The following DENND5A variants were observed in gnomAD, a reference collection of about 807,000 sequenced individuals.
DENND5A encodes DENN domain containing 5A.
DENND5A carries 64 observed loss-of-function variants against 140.3 expected under a neutral mutation model. That is an observed-to-expected ratio of 0.46 (90% CI 0.37 to 0.56). DENND5A has a LOEUF of 0.56. Among genes scored for constraint, DENND5A ranks in the 20% least tolerant of loss-of-function variants. DENND5A has a pLI of 0.00. For missense variants in DENND5A, 1,292 were observed against 1,593.8 expected, an observed-to-expected ratio of 0.81 and a Z score of 3.22; for synonymous variants, 605 against 607.7, an observed-to-expected ratio of 1.00 and a Z score of 0.07.
Position 9,193,479 on chromosome 11 carries a change from C to A in DENND5A, c.1137+15G>T. On this transcript the variant is annotated intron_variant, in intron 5 of 22. Transcript: ENST00000328194. ...CCTGGATTGGGGCCAGAGGCACCAA[C>A]ACTCAAGATCTCACCTCTTGAGGCA... The A allele has an allele frequency of 6.4e-7, 1 of 1,570,290 alleles. No individual in the cohort carries two copies.
chr11:9,186,502 A>G (rs1848918046), intron 5 of DENND5A, among the ~76,000 whole-genome samples: 1 of 152,238 alleles, frequency 6.6e-6, no homozygotes, highest in African/African-American at 2.4e-5. Context: ...CAGTTTCTCC[A>G]ATAGGAAACA....
chr11:9,237,437 T>C (rs943520504), intron 1 of DENND5A, among the ~76,000 whole-genome samples: 2 of 151,976 alleles, frequency 1.3e-5, no homozygotes, highest in African/African-American at 2.4e-5. Flanking sequence ...AAAAAAGATA[T>C]GTTCTTCCTA....
At chr11:9,228,179 A>G (rs1850615231) in intron 1 of DENND5A, among the ~76,000 whole-genome samples, 1 of 151,846 alleles carries the variant, frequency 6.6e-6, no homozygotes, top group Non-Finnish European at 1.5e-5. Context: ...AGCTCCTAAA[A>G]CCTTTGGAAT....
At chr11:9,182,802 C>G (rs1848776384) in intron 5 of DENND5A, among the ~76,000 whole-genome samples, 1 of 152,124 alleles carries the variant, frequency 6.6e-6, no homozygotes, top group East Asian at 1.9e-4. Flanking sequence ...TTATCCAATA[C>G]AAAATTATGG....
In DENND5A at chr11:9,203,803, A is replaced by G. The variant is rs1849598558; in HGVS notation, c.806T>C (p.Ile269Thr). ...SLKFSGVYGP[I>T]ICQRPSTNEL... ...ATTGGTACTTGGTCTCTGGCAGATTATTGGCCCATAGACCCCAGAAAACTT... is the reference window on the plus strand; with the variant it reads ...ATTGGTACTTGGTCTCTGGCAGATTGTTGGCCCATAGACCCCAGAAAACTT... Residue 269 changes from isoleucine (I) to threonine (T), a missense_variant, in exon 4 of 23, where the codon ATA becomes ACA. This residue lies in a region of DENND5A where 566 missense variants were observed against 650.4 expected (regional missense o/e 0.87). Transcript: ENST00000328194. The G allele has an allele frequency of 6.2e-7, 1 of 1,614,198 alleles. No homozygotes were observed. The highest frequency in any genetic ancestry group is 8.5e-7 in the Non-Finnish European group (1 of 1,180,018).
intron 5 of DENND5A, among the ~76,000 whole-genome samples, chr11:9,183,956 C>T (rs1378005597): frequency 6.6e-6 from 1 of 151,952 alleles, no homozygotes; most frequent in Non-Finnish European, 1.5e-5. Context: ...GAAGCTGAGG[C>T]AGGAGAATCG....
At chr11:9,188,988 C>A (rs1047776494) in intron 5 of DENND5A, among the ~76,000 whole-genome samples, 1 of 152,248 alleles carries the variant, frequency 6.6e-6, no homozygotes. Flanking sequence ...CAGAGCATAT[C>A]AGAGGTCTTC....
intron 1 of DENND5A, among the ~76,000 whole-genome samples, chr11:9,226,452 G>C (rs1435284409): frequency 6.6e-6 from 1 of 151,816 alleles, no homozygotes; most frequent in Non-Finnish European, 1.5e-5. Flanking sequence ...AATTTACCTT[G>C]ACAATGGGAA....
In DENND5A at chr11:9,150,717, T is replaced by C; in HGVS notation, c.2569A>G (p.Met857Val). Reference sequence around the variant, plus strand: ...ATCAGGGAGATCCTCAGGGGAGGCATGAGTGAGCTGGCATCAGACTTCCTA... The same window carrying C: ...ATCAGGGAGATCCTCAGGGGAGGCACGAGTGAGCTGGCATCAGACTTCCTA... ...ERRKSDASSL[M>V]PPLRISLIQD... The change falls in exon 14 of 23, where the codon ATG (methionine) becomes GTG (valine). Residue 857 changes from methionine to valine, a missense_variant. This residue lies in a region of DENND5A where 498 missense variants were observed against 689.7 expected (regional missense o/e 0.72). Transcript: ENST00000328194. 1.2e-6 allele frequency: 2 copies of C among 1,613,592 alleles called. No homozygotes were observed. Among genetic ancestry groups the C allele is most frequent in the Non-Finnish European group, 1.7e-6 (2 of 1,179,646 alleles).
chr11:9,251,897 GAGA>G (rs941754960), intron 1 of DENND5A, among the ~76,000 whole-genome samples: 9 of 151,988 alleles, frequency 5.9e-5, no homozygotes, highest in Admixed American at 5.9e-4. Context: ...GCTGAGGCAG[GAGA>G]ATGGCGTGAA....
intron 20 of DENND5A, 131 bp downstream of exon 20, chr11:9,143,272 C>G: frequency 1.2e-6 from 1 of 832,760 alleles, no homozygotes; most frequent in African/African-American, 1.7e-5. Context: ...CTAGCTGAGG[C>G]ACACACTCTA....
chr11:9,178,615 C>G (rs905082745), intron 7 of DENND5A, among the ~76,000 whole-genome samples: 1 of 152,088 alleles, frequency 6.6e-6, no homozygotes, highest in African/African-American at 2.4e-5. Flanking sequence ...CTGATGTTCA[C>G]TCTACATGTC....
chr11:9,180,720 AC>A (rs1454184498), intron 6 of DENND5A, 46 bp downstream of exon 6: 3 of 1,552,674 alleles, frequency 1.9e-6, no homozygotes, highest in Non-Finnish European at 2.6e-6. Flanking sequence ...CCAGGACAGC[AC>A]CCTAGCACAG....
chr11:9,193,425 G>A, intron 5 of DENND5A, 69 bp downstream of exon 5: 1 of 1,286,940 alleles, frequency 7.8e-7, no homozygotes, highest in East Asian at 2.6e-5. Flanking sequence ...TGCATGCTGG[G>A]TTCATCCCAA....
At chr11:9,161,084 ACAC>A (rs2136140003) in intron 11 of DENND5A, among the ~76,000 whole-genome samples, 1 of 152,302 alleles carries the variant, frequency 6.6e-6, no homozygotes, top group South Asian at 2.1e-4. Context: ...GTGGTAGCTC[ACAC>A]CTGTAATCCC....
chr11:9,248,107 C>G (rs1590335089), intron 1 of DENND5A, among the ~76,000 whole-genome samples: 1 of 152,138 alleles, frequency 6.6e-6, no homozygotes, highest in African/African-American at 2.4e-5. Flanking sequence ...TCAGGCCTCT[C>G]GAGTACCTGG....
intron 1 of DENND5A, among the ~76,000 whole-genome samples, chr11:9,218,314 A>T (rs1850175659): frequency 6.6e-6 from 1 of 152,192 alleles, no homozygotes; most frequent in African/African-American, 2.4e-5. Context: ...TGTCAGAAAA[A>T]TTTAAAACTC....
At chr11:9,198,563 A>AT (rs1479321363) in intron 4 of DENND5A, among the ~76,000 whole-genome samples, 1 of 151,790 alleles carries the variant, frequency 6.6e-6, no homozygotes, top group African/African-American at 2.4e-5. Flanking sequence ...GTGAGCCGAG[A>AT]TTGCGCCACT....
At chr11:9,219,459 A>G (rs1850223954) in intron 1 of DENND5A, among the ~76,000 whole-genome samples, 1 of 152,216 alleles carries the variant, frequency 6.6e-6, no homozygotes, top group African/African-American at 2.4e-5. Context: ...CAGCCAAATA[A>G]TAAGAGAGTA....
Sources: allele counts gnomAD v4.1 joint callset (sites outside exome capture counted in the v4.1 genomes callset), GRCh38; gene constraint gnomAD v4.1.1; regional missense constraint gnomAD v4.1.1; transcripts MANE v1.5; gene names NCBI Gene and HGNC (gene_info 2026-07-23, HGNC 2026-07-21).